The following PSMD1 variants were observed in gnomAD, a reference collection of about 807,000 sequenced individuals.
PSMD1 encodes the protein proteasome 26S subunit, non-ATPase 1.
In PSMD1, 18 loss-of-function variants were observed where a neutral mutation model predicts 119.0. That is an observed-to-expected ratio of 0.15 (90% CI 0.10 to 0.22). The LOEUF is 0.22. Ranked by LOEUF, PSMD1 falls within the 10% of genes least tolerant of loss-of-function variation. PSMD1 has a pLI of 1.00. For missense variants in PSMD1, 702 were observed against 1,158.5 expected (o/e 0.61, Z 5.72); for synonymous variants, 374 against 396.6 (o/e 0.94, Z 0.68).
At chr2:231,108,876 C>G in intron 16 of PSMD1, 1 of 1,614,060 alleles carries the variant, frequency 6.2e-7, no homozygotes. Flanking sequence ...ACAAATATCT[C>G]CAGGAGCATT....
chr2:231,139,318 T>C (rs111605065), intron 17 of PSMD1, among the ~76,000 whole-genome samples: 10 of 138,106 alleles, frequency 7.2e-5, no homozygotes, highest in South Asian at 4.5e-4. Flanking sequence ...TTCTTTCTTT[T>C]TTTTTTTTTT....
At position 231,143,097 on chromosome 2, in the gene PSMD1, AG is replaced by A. The variant is rs1696166292; in HGVS notation, c.1999-3140del. ...TTTATACCTACCTAAGGACCTTGTA[AG>A]GGATGTTGTGGGGTTTTTTGTTGTT... On this transcript the variant is annotated intron_variant, in intron 17 of 24. Transcript: ENST00000308696. 2.0e-5 allele frequency among the ~76,000 whole-genome samples: 3 copies of A among 152,138 alleles called. No homozygotes were observed. The South Asian group carries it at 6.2e-4, about 32-fold the overall frequency.
intron 16 of PSMD1, among the ~76,000 whole-genome samples, chr2:231,119,698 C>T (rs972315198): frequency 6.6e-6 from 1 of 151,766 alleles, no homozygotes; most frequent in African/African-American, 2.4e-5. Context: ...TGGCAAAACC[C>T]CATCTCTACT....
At chr2:231,120,810 C>T (rs774153286) in intron 16 of PSMD1, among the ~76,000 whole-genome samples, 7 of 152,262 alleles carry the variant, frequency 4.6e-5, no homozygotes, top group Admixed American at 6.5e-5. Context: ...GAACCAAGAA[C>T]GCTTGTTTGT....
intron 16 of PSMD1, among the ~76,000 whole-genome samples, chr2:231,107,830 G>A (rs1008985607): frequency 6.6e-6 from 1 of 152,156 alleles, no homozygotes; most frequent in African/African-American, 2.4e-5. Flanking sequence ...ACCCAAGAGC[G>A]ATTTTATTTG....
intron 18 of PSMD1, among the ~76,000 whole-genome samples, chr2:231,150,370 A>G (rs1696347321): frequency 6.6e-6 from 1 of 151,818 alleles, no homozygotes; most frequent in African/African-American, 2.4e-5. Context: ...AAAAAAGTAT[A>G]TATGTCTATA....
chr2:231,082,937 C>T lies in PSMD1; in HGVS notation c.1468C>T (p.Arg490Cys), dbSNP rs201769528. Reference protein sequence around the residue: ...GLGLAAMGTARQDVYDLLKTN... With the variant: ...GLGLAAMGTACQDVYDLLKTN... ...TGGTTTGGCAGCCATGGGAACTGCA[C>T]GTCAAGATGTTTATGATTTGCTAAA... The change falls in exon 13 of 25, where the codon CGT becomes TGT. Residue 490 changes from arginine to cysteine, a missense_variant. This residue lies in a region of PSMD1 where 272 missense variants were observed against 511.6 expected (regional missense o/e 0.53). Coordinates refer to ENST00000308696, the MANE Select transcript of PSMD1 (RefSeq NM_002807.4). 3 of 1,613,992 alleles carry T rather than the reference C, an allele frequency of 1.9e-6. No homozygotes were observed. Among genetic ancestry groups the T allele is most frequent in the South Asian group, 1.1e-5 (1 of 91,080 alleles).
chr2:231,138,439 G>C (rs1647125189), intron 16 of PSMD1, among the ~76,000 whole-genome samples: 1 of 152,114 alleles, frequency 6.6e-6, no homozygotes, highest in South Asian at 2.1e-4. Context: ...CCCCCAACAT[G>C]GCTGTTCCTG....
At chr2:231,158,304 C>A (rs1020909226) in intron 19 of PSMD1, among the ~76,000 whole-genome samples, 3 of 151,624 alleles carry the variant, frequency 2.0e-5, no homozygotes, top group Non-Finnish European at 2.9e-5. Flanking sequence ...AATGAGACTC[C>A]ATCTCAAAAA....
chr2:231,117,479 T>TG (rs1327402297), intron 16 of PSMD1, among the ~76,000 whole-genome samples: 1 of 152,146 alleles, frequency 6.6e-6, no homozygotes, highest in Non-Finnish European at 1.5e-5. Flanking sequence ...ATAGCATTTC[T>TG]GTCAATGCCT....
intron 16 of PSMD1, chr2:231,113,755 A>G (rs1214658230): frequency 6.2e-7 from 1 of 1,614,076 alleles, no homozygotes; most frequent in South Asian, 1.1e-5. Flanking sequence ...CACCACTGTA[A>G]TCTTGATGAA....
chr2:231,086,668 G>A (rs952965460), intron 15 of PSMD1, among the ~76,000 whole-genome samples: 1 of 152,112 alleles, frequency 6.6e-6, no homozygotes, highest in African/African-American at 2.4e-5. Flanking sequence ...AAAAGAAAAA[G>A]AGAGAGAAAA....
At chr2:231,102,619 G>T (rs1694895005) in intron 16 of PSMD1, among the ~76,000 whole-genome samples, 1 of 152,118 alleles carries the variant, frequency 6.6e-6, no homozygotes, top group Non-Finnish European at 1.5e-5. Context: ...AGTGCAAGCG[G>T]ATCATCAGAA....
chr2:231,126,925 C>G (rs764083883), intron 16 of PSMD1, among the ~76,000 whole-genome samples: 1 of 151,888 alleles, frequency 6.6e-6, no homozygotes, highest in Admixed American at 6.6e-5. Context: ...ATAGTTGAGT[C>G]TCAGCAAATA....
chr2:231,109,123 C>T, intron 16 of PSMD1: 2 of 1,614,102 alleles, frequency 1.2e-6, no homozygotes, highest in Non-Finnish European at 1.7e-6. Context: ...GCATTGCCAC[C>T]TTTTCCGGTG....
intron 16 of PSMD1, among the ~76,000 whole-genome samples, chr2:231,091,969 G>A (rs575832616): frequency 6.6e-6 from 1 of 152,270 alleles, no homozygotes; most frequent in Non-Finnish European, 1.5e-5. Context: ...TTGCAGGCGT[G>A]CAAGAATCTT....
At chr2:231,068,300 C>G (rs1346259283) in intron 5 of PSMD1, among the ~76,000 whole-genome samples, 2 of 152,232 alleles carry the variant, frequency 1.3e-5, no homozygotes, top group East Asian at 3.9e-4. Context: ...GAATGAATGG[C>G]CTAATGTGAT....
intron 16 of PSMD1, among the ~76,000 whole-genome samples, chr2:231,092,074 G>A (rs939847906): frequency 5.3e-5 from 8 of 152,132 alleles, no homozygotes; most frequent in African/African-American, 1.9e-4. Context: ...AGTAATAGAG[G>A]CCACAGCAAT....
At chr2:231,128,598 A>G (rs575071254) in intron 16 of PSMD1, among the ~76,000 whole-genome samples, 20 of 152,264 alleles carry the variant, frequency 1.3e-4, no homozygotes, top group Admixed American at 6.5e-5. Flanking sequence ...CATCCATCCT[A>G]TCCTTCTTTG....
Sources: gnomAD v4.1 joint callset for allele counts (sites outside exome capture counted in the v4.1 genomes callset) on GRCh38, gnomAD v4.1.1 for gene constraint, gnomAD v4.1.1 regional missense constraint, MANE v1.5 for transcripts, NCBI Gene and HGNC (gene_info 2026-07-23, HGNC 2026-07-21) for gene names.